Variants in KALRN observed in about 807,000 individuals in gnomAD.
KALRN encodes kalirin.
A neutral mutation model predicts 353.7 loss-of-function variants in KALRN; 70 were observed. The ratio of observed to expected loss-of-function variants is 0.20; its 90% CI spans 0.16 to 0.24. The LOEUF (loss-of-function observed/expected upper bound fraction) is 0.24, where lower values mean the gene tolerates loss of function less well. KALRN is among the 10% of genes least tolerant of loss of function. The probability of loss-of-function intolerance (pLI) is 1.00; values close to 1 mark genes in which losing one functional copy is unlikely to be tolerated. For synonymous variants in KALRN, 1,391 were observed against 1,434.8 expected, an observed-to-expected ratio of 0.97 and a Z score of 0.69; for missense variants, 2,791 against 3,756.7, an observed-to-expected ratio of 0.74 and a Z score of 6.72.
At chr3:124,086,577 C>T (rs1006902655) in intron 1 of KALRN, among the ~76,000 whole-genome samples, 7 of 152,024 alleles carry the variant, frequency 4.6e-5, no homozygotes, top group Admixed American at 1.3e-4. Context: ...GAGATATTAA[C>T]CCTTTGTATA....
intron 33 of KALRN, among the ~76,000 whole-genome samples, chr3:124,502,301 A>G (rs944931858): frequency 6.6e-6 from 1 of 152,100 alleles, no homozygotes; most frequent in Non-Finnish European, 1.5e-5. Flanking sequence ...GTGGGGAAGG[A>G]GTGAAGGCTG....
chr3:124,443,863 A>G (rs779651071), intron 19 of KALRN, among the ~76,000 whole-genome samples: 5 of 152,292 alleles, frequency 3.3e-5, no homozygotes, highest in Non-Finnish European at 4.4e-5. Context: ...GGGAGCTTCA[A>G]TGAGCAAAAC....
chr3:124,601,303 C>T (rs1373725578), intron 34 of KALRN, among the ~76,000 whole-genome samples: 1 of 152,202 alleles, frequency 6.6e-6, no homozygotes, highest in African/African-American at 2.4e-5. Context: ...AACATTCTTC[C>T]CATTATCAGA....
chr3:124,290,238 A>G (rs1301869436), intron 5 of KALRN, among the ~76,000 whole-genome samples: 1 of 152,160 alleles, frequency 6.6e-6, no homozygotes, highest in African/African-American at 2.4e-5. Context: ...CTGAAGCCAG[A>G]TGGGCTGCTG....
chr3:124,509,506 C>G (rs1001442889), intron 33 of KALRN, among the ~76,000 whole-genome samples: 5 of 152,218 alleles, frequency 3.3e-5, no homozygotes, highest in African/African-American at 1.2e-4. Context: ...CTGCTCCCAA[C>G]CACATTTAGT....
At position 124,039,778 on chromosome 3, in the gene KALRN, C is replaced by CT. The variant is rs112207208; in HGVS notation, c.73+5976dup. ...TCTTTTGCAGCAAAGGAAAACATCT[C>CT]TTTTTTTTTTTAAGTTATGCTTGAT... On this transcript the variant is annotated intron_variant, in intron 1 of 59. Coordinates refer to ENST00000682506, the MANE Select transcript of KALRN (RefSeq NM_001388419.1). Among the ~76,000 whole-genome samples, 1,323 of 146,934 alleles carry CT rather than the reference C, an allele frequency of 9.0e-3. 9 individuals are homozygous for CT. The highest frequency in any genetic ancestry group is 0.014 in the Non-Finnish European group (903 of 66,186).
At position 124,298,701 on chromosome 3, in the gene KALRN, G is replaced by A. The variant is rs2077037824; in HGVS notation, c.970-90G>A. On this transcript the variant is annotated intron_variant, in intron 5 of 59. Coordinates refer to ENST00000682506, the MANE Select transcript of KALRN (RefSeq NM_001388419.1). The stretch of plus-strand genomic sequence containing the variant: ...TGGTTCTCACTGAGCACCAGCAGGA[G>A]AGCTTTTTCCCCTTCCACTAGCTCT... 2.8e-6 allele frequency: 4 copies of A among 1,446,714 alleles called. No homozygotes were observed. In the Admixed American group the frequency reaches 5.1e-5, roughly 18 times the overall value. The allele number at this position is 1,446,714 out of a possible 1,614,324, so 89.6% of individuals were successfully genotyped here. A position where few individuals can be genotyped will look rare whatever the true frequency, so the allele number is the denominator to read the frequency against.
At chr3:124,691,360 G>A (rs1057147476) in intron 51 of KALRN, among the ~76,000 whole-genome samples, 3 of 152,130 alleles carry the variant, frequency 2.0e-5, no homozygotes, top group Non-Finnish European at 2.9e-5. Context: ...CCGGGGAGGC[G>A]GAATTTGCGG....
At chr3:124,425,664 A>G (rs1341511831) in intron 15 of KALRN, among the ~76,000 whole-genome samples, 1 of 152,236 alleles carries the variant, frequency 6.6e-6, no homozygotes, top group Non-Finnish European at 1.5e-5. Flanking sequence ...GAAATGAAAT[A>G]TATAAATTTG....
At chr3:124,537,499 G>C (rs2068629142) in intron 33 of KALRN, among the ~76,000 whole-genome samples, 1 of 152,180 alleles carries the variant, frequency 6.6e-6, no homozygotes, top group African/African-American at 2.4e-5. Flanking sequence ...ACTGCTGGTG[G>C]TGATGATGCA....
chr3:124,298,784 T>C lies in KALRN; in HGVS notation c.970-7T>C. 6.2e-7 allele frequency: 1 copy of C among 1,614,108 alleles called. No individual in the cohort carries two copies. The highest frequency in any genetic ancestry group is 1.1e-5 in the South Asian group (1 of 91,078). On this transcript the variant is annotated splice_region_variant and splice_polypyrimidine_tract_variant and intron_variant, in intron 5 of 59. Coordinates refer to ENST00000682506, the MANE Select transcript of KALRN (RefSeq NM_001388419.1). ...CTGATTATGCTGTGCCTTCTTGTCC[T>C]CTCTAGATGTTTGACTGGATAAGCC...
At chr3:124,437,749 G>C (rs1576930683) in intron 17 of KALRN, among the ~76,000 whole-genome samples, 1 of 146,954 alleles carries the variant, frequency 6.8e-6, no homozygotes, top group Non-Finnish European at 1.5e-5. Context: ...CTCAGAGAAG[G>C]CCAAAGATAG....
At chr3:124,368,441 C>T (rs1373384791) in intron 10 of KALRN, among the ~76,000 whole-genome samples, 3 of 147,750 alleles carry the variant, frequency 2.0e-5, no homozygotes, top group East Asian at 2.1e-4. Flanking sequence ...GGGGCAGAGG[C>T]GCTCCGCACA....
intron 3 of KALRN, among the ~76,000 whole-genome samples, chr3:124,244,985 T>C (rs926410347): frequency 6.6e-6 from 1 of 152,194 alleles, no homozygotes; most frequent in Non-Finnish European, 1.5e-5. Flanking sequence ...TTATCATTTT[T>C]TTTGTTGGAA....
chr3:124,054,174 G>A (rs571715611), intron 1 of KALRN, among the ~76,000 whole-genome samples: 1 of 152,188 alleles, frequency 6.6e-6, no homozygotes, highest in African/African-American at 2.4e-5. Flanking sequence ...GGTTTTTTCA[G>A]CATCAGCTGC....
At chr3:124,563,861 G>A (rs560497058) in intron 34 of KALRN, among the ~76,000 whole-genome samples, 54 of 152,032 alleles carry the variant, frequency 3.6e-4, no homozygotes, top group South Asian at 6.2e-4. Flanking sequence ...AATGCAAGGC[G>A]GCACATACCT....
At chr3:124,593,204 C>T (rs1036004427) in intron 34 of KALRN, among the ~76,000 whole-genome samples, 1 of 151,964 alleles carries the variant, frequency 6.6e-6, no homozygotes, top group Non-Finnish European at 1.5e-5. Flanking sequence ...GAAACCAAGC[C>T]TTGTTGTTTA....
At chr3:124,356,932 G>A (rs1007487262) in intron 10 of KALRN, among the ~76,000 whole-genome samples, 3 of 152,094 alleles carry the variant, frequency 2.0e-5, no homozygotes, top group African/African-American at 4.8e-5. Flanking sequence ...CCCTGGGTTC[G>A]ATATTTATAA....
chr3:124,607,314 A>ACAT (rs3057204), intron 34 of KALRN, among the ~76,000 whole-genome samples: 91,270 of 151,192 alleles, frequency 0.6, 28,574 homozygotes, highest in East Asian at 0.83. Flanking sequence ...CATAGTATAA[A>ACAT]CATTGTGCAA....
Sources: gnomAD v4.1 joint callset for allele counts (sites outside exome capture counted in the v4.1 genomes callset) on GRCh38, gnomAD v4.1.1 for gene constraint, MANE v1.5 for transcripts, NCBI Gene and HGNC (gene_info 2026-07-23, HGNC 2026-07-21) for gene names.